KMO: variants seen among roughly 807,000 people sequenced by gnomAD.
The protein encoded by KMO is kynurenine 3-hydroxylase.
A neutral mutation model predicts 57.8 loss-of-function variants in KMO; 24 were observed. That is an observed-to-expected ratio of 0.42 (90% CI 0.30 to 0.58). The LOEUF is 0.58. Ranked by LOEUF, KMO falls within the 20% of genes least tolerant of loss-of-function variation. The pLI, the probability that KMO is intolerant of heterozygous loss-of-function variation, is 0.22. For missense variants in KMO, 483 were observed against 588.2 expected (o/e 0.82, Z 1.85); for synonymous variants, 210 against 193.6 (o/e 1.08, Z -0.70).
intron 7 of KMO, among the ~76,000 whole-genome samples, chr1:241,563,993 C>A (rs908938769): frequency 6.6e-6 from 1 of 152,142 alleles, no homozygotes; most frequent in African/African-American, 2.4e-5. Context: ...ATATGTATTC[C>A]TCTTGCCTAT....
At chr1:241,549,300 A>AAGG (rs1351907634) in intron 2 of KMO, among the ~76,000 whole-genome samples, 182 of 151,010 alleles carry the variant, frequency 1.2e-3, no homozygotes, top group African/African-American at 4.3e-3. Context: ...GAGAAAGAGC[A>AAGG]AGAAAGAAAG....
chr1:241,585,363 T>G (rs189768851), intron 10 of KMO, among the ~76,000 whole-genome samples: 16 of 152,314 alleles, frequency 1.1e-4, no homozygotes, highest in Middle Eastern at 6.8e-3. Flanking sequence ...ATATGGTATC[T>G]CTCACTTCTA....
At chr1:241,547,145 C>G (rs963892662) in intron 1 of KMO, among the ~76,000 whole-genome samples, 1 of 152,022 alleles carries the variant, frequency 6.6e-6, no homozygotes, top group Non-Finnish European at 1.5e-5. Flanking sequence ...CACTCTAAAG[C>G]TTTAAAAAGA....
intron 1 of KMO, among the ~76,000 whole-genome samples, chr1:241,547,373 T>C (rs1003373415): frequency 3.3e-5 from 5 of 152,094 alleles, no homozygotes; most frequent in Non-Finnish European, 7.4e-5. Context: ...ATATTTTTAA[T>C]GTTTAAAAAT....
chr1:241,593,651 A>G lies in KMO; in HGVS notation c.*1498A>G, dbSNP rs144936606. On this transcript the variant is annotated 3_prime_UTR_variant, in exon 15 of 15. Coordinates refer to ENST00000366559, the MANE Select transcript of KMO (RefSeq NM_003679.5). ...ATTTATTAGCGGGTATATGTAATAT[A>G]TATGTGGGAAATACAGGGGAATGAG... 94 of 187,858 alleles carry G rather than the reference A, an allele frequency of 5.0e-4. No individual in the cohort carries two copies. In the East Asian group the frequency reaches 5.5e-3, roughly 11 times the overall value. 11.6% of individuals were successfully genotyped at this position (187,858 alleles called of 1,614,324 possible). A position where few individuals can be genotyped will look rare whatever the true frequency, so the allele number is the denominator to read the frequency against.
intron 1 of KMO, among the ~76,000 whole-genome samples, chr1:241,536,130 A>G (rs1184612438): frequency 6.6e-6 from 1 of 152,124 alleles, no homozygotes; most frequent in Non-Finnish European, 1.5e-5. Flanking sequence ...TTTTAACACA[A>G]TTATGTCATG....
At chr1:241,534,294 G>A (rs944554488) in intron 1 of KMO, among the ~76,000 whole-genome samples, 5 of 152,140 alleles carry the variant, frequency 3.3e-5, no homozygotes, top group African/African-American at 1.2e-4. Context: ...TTTAAAAATT[G>A]TCTCTTAGAA....
chr1:241,572,681 G>C (rs975183002), intron 10 of KMO, among the ~76,000 whole-genome samples: 1 of 151,924 alleles, frequency 6.6e-6, no homozygotes, highest in African/African-American at 2.4e-5. Flanking sequence ...GGGTACAAGT[G>C]TTTTTTGGTT....
Position 241,592,786 on chromosome 1 carries a change from C to CTATCTATCTA in KMO, c.*635_*644dup, listed in dbSNP as rs748143710. ...TCTATCTATCTATCTATCTATCTAT[C>CTATCTATCTA]TATCTATCTATCTCTATTTATTTAT... On this transcript the variant is annotated 3_prime_UTR_variant, in exon 15 of 15. Coordinates refer to ENST00000366559, the MANE Select transcript of KMO (RefSeq NM_003679.5). 294 of 153,718 alleles carry CTATCTATCTA rather than the reference C, an allele frequency of 1.9e-3. 1 individual carries two copies. Among genetic ancestry groups the CTATCTATCTA allele is most frequent in the Non-Finnish European group, 2.9e-3 (199 of 69,366 alleles). The allele number at this position is 153,718 out of a possible 1,614,324, so 9.5% of individuals were successfully genotyped here.
Position 241,578,007 on chromosome 1 carries a change from C to T in KMO, c.958-8672C>T, listed in dbSNP as rs74692110. On this transcript the variant is annotated intron_variant, in intron 10 of 14. Transcript: ENST00000366559. ...TTCAGATCAGACAGGCACCTCTTTC[C>T]ATCTGCAGGAATGTTGATGTTCCAA... Among the ~76,000 whole-genome samples the T allele has an allele frequency of 1.8e-4, 27 of 152,300 alleles. 1 individual carries two copies. In the East Asian group the frequency reaches 5.2e-3, roughly 29 times the overall value.
intron 10 of KMO, among the ~76,000 whole-genome samples, chr1:241,573,268 T>C (rs1662373405): frequency 6.6e-6 from 1 of 152,158 alleles, no homozygotes; most frequent in Non-Finnish European, 1.5e-5. Context: ...ATTACAGGCC[T>C]GAGCTACTGC....
chr1:241,542,538 C>T (rs1254137602), intron 1 of KMO, among the ~76,000 whole-genome samples: 1 of 152,238 alleles, frequency 6.6e-6, no homozygotes, highest in Non-Finnish European at 1.5e-5. Context: ...ATCTCACTAT[C>T]GTGAACGTTT....
At chr1:241,549,397 T>C (rs1262532094) in intron 2 of KMO, among the ~76,000 whole-genome samples, 2 of 152,026 alleles carry the variant, frequency 1.3e-5, no homozygotes, top group Non-Finnish European at 2.9e-5. Context: ...AATTGCAGGA[T>C]GTGGTTCTAA....
At position 241,581,918 on chromosome 1, in the gene KMO, T is replaced by C. The variant is rs547708124; in HGVS notation, c.958-4761T>C. 5.9e-5 allele frequency among the ~76,000 whole-genome samples: 9 copies of C among 152,298 alleles called. No homozygotes were observed. The East Asian group carries it at 1.5e-3, about 26-fold the overall frequency. ...TTTGTTAACATCCTTTTCTTTCATA[T>C]TGAAGATCTCCCTTGAGTATTTCTT... On this transcript the variant is annotated intron_variant, in intron 10 of 14. Transcript: ENST00000366559.
chr1:241,588,808 T>C lies in KMO; in HGVS notation c.1076T>C (p.Leu359Pro). ...RIPDDHAISDLSMYNYIEMRA... is the reference protein window; with the variant it reads ...RIPDDHAISDPSMYNYIEMRA... ...CCAGATGATCACGCGATTTCAGACC[T>C]ATCCATGTACAATTACATAGAGGTG... Residue 359 changes from leucine (L) to proline (P), a missense_variant, in exon 12 of 15, where the codon CTA (leucine) becomes CCA (proline). This residue lies in a region of KMO where 410 missense variants were observed against 492.3 expected (regional missense o/e 0.83). Coordinates refer to ENST00000366559, the MANE Select transcript of KMO (RefSeq NM_003679.5). 1 of 1,613,038 alleles carries C rather than the reference T, an allele frequency of 6.2e-7. No individual in the cohort carries two copies. The highest frequency in any genetic ancestry group is 8.5e-7 in the Non-Finnish European group (1 of 1,179,248).
intron 8 of KMO, 73 bp downstream of exon 8, chr1:241,565,131 T>A: frequency 1.1e-6 from 1 of 876,492 alleles, no homozygotes; most frequent in Non-Finnish European, 1.9e-6. Flanking sequence ...CATTTGTACT[T>A]AGAATGTATC....
rs539980465 is a variant in KMO, at chr1:241,595,170, A to G, written c.*3017A>G. 6.5e-6 allele frequency: 1 copy of G among 153,418 alleles called. No individual in the cohort carries two copies. The highest frequency in any genetic ancestry group is 6.5e-5 in the Admixed American group (1 of 15,442). The allele number at this position is 153,418 out of a possible 1,614,324, so 9.5% of individuals were successfully genotyped here. A position where few individuals can be genotyped will look rare whatever the true frequency, so the allele number is the denominator to read the frequency against. The stretch of plus-strand genomic sequence containing the variant: ...GGTGAAGAATTTTTTTTTTCTATCG[A>G]AATTACTAATCAGTTGGGGAAAAAA... On this transcript the variant is annotated 3_prime_UTR_variant, in exon 15 of 15. Coordinates refer to ENST00000366559, the MANE Select transcript of KMO (RefSeq NM_003679.5).
intron 2 of KMO, 124 bp downstream of exon 2, chr1:241,549,022 A>T (rs1313466242): frequency 1.6e-6 from 1 of 625,460 alleles, no homozygotes; most frequent in African/African-American, 1.9e-5. Flanking sequence ...AACATGGCAA[A>T]ACCCCATCTC....
chr1:241,593,323 A>G lies in KMO; in HGVS notation c.*1170A>G, dbSNP rs1320021972. The G allele has an allele frequency of 4.8e-6, 2 of 415,142 alleles. No individual in the cohort carries two copies. Among genetic ancestry groups the G allele is most frequent in the Admixed American group, 4.8e-5 (2 of 41,636 alleles). 25.7% of individuals were successfully genotyped at this position (415,142 alleles called of 1,614,324 possible). On this transcript the variant is annotated 3_prime_UTR_variant, in exon 15 of 15. Coordinates refer to ENST00000366559, the MANE Select transcript of KMO (RefSeq NM_003679.5). ...CAATACACTTGATTTTTAAAAGCAC[A>G]TTTAGTGAAATGTTTTCTTTGGTTC...
Sources: allele counts gnomAD v4.1 joint callset (sites outside exome capture counted in the v4.1 genomes callset), GRCh38; gene constraint gnomAD v4.1.1; regional missense constraint gnomAD v4.1.1; transcripts MANE v1.5; gene names NCBI Gene and HGNC (gene_info 2026-07-23, HGNC 2026-07-21).